The following KREMEN1 variants were observed in gnomAD, a reference collection of about 807,000 sequenced individuals.
The protein encoded by KREMEN1 is kremen protein 1.
KREMEN1 carries 30 observed loss-of-function variants against 46.5 expected under a neutral mutation model. That is an observed-to-expected ratio of 0.65 (90% CI 0.48 to 0.88). The LOEUF (loss-of-function observed/expected upper bound fraction) is 0.88, where lower values mean the gene tolerates loss of function less well. Among genes scored for constraint, KREMEN1 ranks in the 40% least tolerant of loss-of-function variants. The pLI is 0.00. For synonymous variants in KREMEN1, 214 were observed against 230.6 expected, an observed-to-expected ratio of 0.93 and a Z score of 0.65; for missense variants, 533 against 596.9, an observed-to-expected ratio of 0.89 and a Z score of 1.11.
intron 8 of KREMEN1, 41 bp from the exon 9 acceptor site, chr22:29,141,903 T>C: frequency 6.8e-7 from 1 of 1,475,344 alleles, no homozygotes; most frequent in Non-Finnish European, 9.1e-7. Flanking sequence ...GTTGTTTGCG[T>C]TGTTCTAATC....
intron 9 of KREMEN1, among the ~76,000 whole-genome samples, chr22:29,156,495 T>C (rs1030306538): frequency 1.3e-5 from 2 of 152,084 alleles, no homozygotes; most frequent in South Asian, 2.1e-4. Context: ...GTGGGAGTGA[T>C]TGATTGGGCC....
rs6005989 is a variant in KREMEN1 at position 29,091,585 on chromosome 22, G to T, written c.98-2673G>T. 6.8e-3 allele frequency among the ~76,000 whole-genome samples: 1,034 copies of T among 152,304 alleles called. 13 individuals carry two copies. Among genetic ancestry groups the T allele is most frequent in the African/African-American group, 0.024 (978 of 41,568 alleles). On this transcript the variant is annotated intron_variant, in intron 1 of 8. Transcript: ENST00000400335. The stretch of plus-strand genomic sequence containing the variant: ...TGGCAAGGGTTGGCTGATGTTCTTA[G>T]AATCATCTAGTCTAGTGGTTCTCAA...
Position 29,080,863 on chromosome 22 carries a change from G to A in KREMEN1, c.97+7636G>A, listed in dbSNP as rs138834682. The stretch of plus-strand genomic sequence containing the variant: ...CTAGAATGCACAGGAGAGCCCCCAC[G>A]CCAAAGAGTTATACAGCCCAAAATG... On this transcript the variant is annotated intron_variant, in intron 1 of 8. Coordinates refer to ENST00000400335, the MANE Select transcript of KREMEN1 (RefSeq NM_001039570.3). Among the ~76,000 whole-genome samples the A allele has an allele frequency of 1.8e-3, 272 of 150,728 alleles. 1 individual carries two copies. Among genetic ancestry groups the A allele is most frequent in the Non-Finnish European group, 2.6e-3 (174 of 67,830 alleles).
At chr22:29,087,616 A>T (rs2037749137) in intron 1 of KREMEN1, among the ~76,000 whole-genome samples, 1 of 151,836 alleles carries the variant, frequency 6.6e-6, no homozygotes, top group African/African-American at 2.4e-5. Context: ...CCCAGGCCAG[A>T]GTGCAATGGT....
rs541584246 is a variant in KREMEN1, at chr22:29,074,283, G to A, written c.97+1056G>A. On this transcript the variant is annotated intron_variant, in intron 1 of 8. Coordinates refer to ENST00000400335, the MANE Select transcript of KREMEN1 (RefSeq NM_001039570.3). ...CTATGACTCAGGTGATGGCGCAGAA[G>A]GGGGAGAGAAAAAAGGAAGCAGTGA... Among the ~76,000 whole-genome samples the A allele has an allele frequency of 7.2e-5, 11 of 152,350 alleles. No homozygotes were observed. The South Asian group carries it at 1.7e-3, about 23-fold the overall frequency.
chr22:29,153,276 C>T (rs1458718061), intron 9 of KREMEN1, among the ~76,000 whole-genome samples: 1 of 152,124 alleles, frequency 6.6e-6, no homozygotes, highest in Admixed American at 6.5e-5. Flanking sequence ...TGAAGCCAGT[C>T]CTGCCGACCT....
At chr22:29,093,950 C>A (rs926307029) in intron 1 of KREMEN1, among the ~76,000 whole-genome samples, 1 of 152,176 alleles carries the variant, frequency 6.6e-6, no homozygotes, top group African/African-American at 2.4e-5. Flanking sequence ...TTAGGGGTTT[C>A]CTGGTTCACT....
chr22:29,149,950 C>T (rs1213727296), downstream of KREMEN1, among the ~76,000 whole-genome samples: 1 of 152,208 alleles, frequency 6.6e-6, no homozygotes, highest in African/African-American at 2.4e-5. Flanking sequence ...AGTCACATGA[C>T]CATCTTCTTT....
chr22:29,167,582 A>G lies in KREMEN1; in HGVS notation c.*476A>G, dbSNP rs377525262. 287 of 160,218 alleles carry G rather than the reference A, an allele frequency of 1.8e-3. 1 individual carries two copies. Among genetic ancestry groups the G allele is most frequent in the African/African-American group, 6.4e-3 (269 of 41,758 alleles). 9.9% of individuals were successfully genotyped at this position (160,218 alleles called of 1,614,324 possible). A position where few individuals can be genotyped will look rare whatever the true frequency, so the allele number is the denominator to read the frequency against. On this transcript the variant is annotated 3_prime_UTR_variant, in exon 10 of 10. Coordinates refer to the KREMEN1 transcript ENST00000327813. ...GGACTTCCCACCGGCATCCGGCCCCAGTGCCATGTTTTATCATCTGGAACG... is the reference window on the plus strand; with the variant it reads ...GGACTTCCCACCGGCATCCGGCCCCGGTGCCATGTTTTATCATCTGGAACG...
chr22:29,167,184 C>A, exon 10 of KREMEN1: 2 of 1,158,936 alleles, frequency 1.7e-6, no homozygotes, highest in Non-Finnish European at 2.5e-6. Flanking sequence ...CATTGCCTCT[C>A]CTCGCACAGA....
Position 29,121,388 on chromosome 22 carries a change from T to C in KREMEN1, c.384T>C (p.His128=). The change falls in exon 4 of 9, where the codon CAT becomes CAC. Residue 128 remains histidine (H), a synonymous_variant. Coordinates refer to ENST00000400335, the MANE Select transcript of KREMEN1 (RefSeq NM_001039570.3). The part of the protein sequence containing the change: ...MPGNLGCYKD[H]GNPPPLTGTS... ...GAAACCTTGGCTGCTACAAGGATCA[T>C]GGAAACCCACCTCCTCTAACTGGCA... 1.2e-6 allele frequency: 2 copies of C among 1,614,110 alleles called. No homozygotes were observed. Among genetic ancestry groups the C allele is most frequent in the Non-Finnish European group, 1.7e-6 (2 of 1,179,988 alleles).
At chr22:29,164,746 C>CAAAAAAAAAAA (rs34444682) in intron 9 of KREMEN1, among the ~76,000 whole-genome samples, 2 of 68,622 alleles carry the variant, frequency 2.9e-5, no homozygotes, top group African/African-American at 1.5e-4. Flanking sequence ...AACTCCATCT[C>CAAAAAAAAAAA]AAAAAAAAAA....
intron 1 of KREMEN1, among the ~76,000 whole-genome samples, chr22:29,082,471 G>GATA (rs1410339797): frequency 2.0e-5 from 3 of 152,164 alleles, no homozygotes; most frequent in Non-Finnish European, 4.4e-5. Flanking sequence ...ACTTCTCATA[G>GATA]GTATTGCTAG....
intron 3 of KREMEN1, 135 bp from the exon 4 acceptor site, chr22:29,121,222 G>C: frequency 1.0e-6 from 1 of 968,484 alleles, no homozygotes; most frequent in Non-Finnish European, 1.5e-6. Context: ...TTCAAAGCTG[G>C]TTGCTTGTTG....
At chr22:29,084,851 A>C (rs2037706688) in intron 1 of KREMEN1, among the ~76,000 whole-genome samples, 2 of 152,194 alleles carry the variant, frequency 1.3e-5, no homozygotes, top group South Asian at 4.1e-4. Flanking sequence ...CCAAAAGTAT[A>C]AATTCTTTAG....
chr22:29,137,265 T>C (rs1018379417), intron 5 of KREMEN1, 77 bp from the exon 6 acceptor site: 1 of 1,026,142 alleles, frequency 9.7e-7, no homozygotes, highest in Non-Finnish European at 1.4e-6. Context: ...TTAGGAAGGC[T>C]TTAGTGCCTT....
chr22:29,159,124 G>GTT (rs1162443966), intron 9 of KREMEN1, among the ~76,000 whole-genome samples: 45 of 35,296 alleles, frequency 1.3e-3, no homozygotes, highest in Admixed American at 4.3e-3. Context: ...CCAGCCAAGT[G>GTT]TTTTTTTTTT....
chr22:29,151,757 C>T (rs921349740), downstream of KREMEN1, among the ~76,000 whole-genome samples: 4 of 152,080 alleles, frequency 2.6e-5, no homozygotes, highest in African/African-American at 7.2e-5. Flanking sequence ...TGCCTGTAAT[C>T]TCAGCACTTT....
At chr22:29,133,892 T>G (rs921619829) in intron 5 of KREMEN1, 4 of 152,214 alleles carry the variant, frequency 2.6e-5, no homozygotes, top group African/African-American at 9.6e-5. Context: ...GTTCTCTTTG[T>G]TTCACTTTGT....
Sources: allele counts gnomAD v4.1 joint callset (sites outside exome capture counted in the v4.1 genomes callset), GRCh38; gene constraint gnomAD v4.1.1; transcripts MANE v1.5; gene names NCBI Gene and HGNC (gene_info 2026-07-23, HGNC 2026-07-21).